OR10R2: variants seen among roughly 807,000 people sequenced by gnomAD.
OR10R2 encodes the protein olfactory receptor 10R2.
A neutral mutation model predicts 2.4 loss-of-function variants in OR10R2; 1 was observed. That is an observed-to-expected ratio of 0.41 (90% CI 0.15 to 1.95). The LOEUF (loss-of-function observed/expected upper bound fraction) is 1.95. Among genes scored for constraint, OR10R2 ranks in the 30% most tolerant of loss-of-function variants. The pLI is 0.30. For missense variants in OR10R2, 419 were observed against 373.0 expected (o/e 1.12, Z -1.01); for synonymous variants, 166 against 144.8 (o/e 1.15, Z -1.05).
At chr1:158,479,896 T>G in intron 1 of OR10R2, 42 bp from the exon 2 acceptor site, 1 of 1,608,282 alleles carries the variant, frequency 6.2e-7, no homozygotes. Flanking sequence ...AATTCTTATA[T>G]TCACATACCT....
chr1:158,473,810 C>T (rs1315939047), intron 1 of OR10R2, among the ~76,000 whole-genome samples: 1 of 139,272 alleles, frequency 7.2e-6, no homozygotes, highest in Non-Finnish European at 1.5e-5. Context: ...CTGCTTCCTT[C>T]CTCCCTCCTT....
At chr1:158,475,577 T>C (rs934721695) in intron 1 of OR10R2, among the ~76,000 whole-genome samples, 2 of 151,836 alleles carry the variant, frequency 1.3e-5, no homozygotes, top group African/African-American at 2.4e-5. Context: ...TCTGTTTTCT[T>C]CTTCAAAGTT....
chr1:158,480,349 T>TG lies in OR10R2; in HGVS notation c.441dup (p.Gln148AlafsTer32), dbSNP rs779985138. ...TCTGCATTACCCCACTCTTATGAGCTGGCAGGTGTGTGGAAAACTGGCAGC... is the reference window on the plus strand; with the variant it reads ...TCTGCATTACCCCACTCTTATGAGCTGGGCAGGTGTGTGGAAAACTGGCAGC... On this transcript the variant is annotated frameshift_variant, in exon 2 of 2. Coordinates refer to ENST00000641067, the Ensembl canonical transcript of OR10R2. LOFTEE classifies it low-confidence loss of function (END_TRUNC). 1.9e-6 allele frequency: 3 copies of TG among 1,614,142 alleles called. No individual in the cohort carries two copies. Among genetic ancestry groups the TG allele is most frequent in the Non-Finnish European group, 2.5e-6 (3 of 1,180,000 alleles).
At chr1:158,478,284 G>A (rs1483565681) in intron 1 of OR10R2, among the ~76,000 whole-genome samples, 3 of 152,068 alleles carry the variant, frequency 2.0e-5, no homozygotes, top group Non-Finnish European at 4.4e-5. Context: ...AGCAATTGTA[G>A]CAAAAACAAA....
chr1:158,480,469 T>G (rs1228609107), exon 2 of OR10R2: 1 of 1,613,628 alleles, frequency 6.2e-7, no homozygotes, highest in Non-Finnish European at 8.5e-7. Flanking sequence ...CAATCATTAC[T>G]TCTGTGACAT....
exon 2 of OR10R2, chr1:158,480,914 A>C (rs1553209610): frequency 9.7e-7 from 1 of 1,033,156 alleles, no homozygotes; most frequent in South Asian, 1.8e-5. Flanking sequence ...ATTTCTTAAT[A>C]AATAATGCCT....
At chr1:158,474,881 A>G (rs1423729607) in intron 1 of OR10R2, among the ~76,000 whole-genome samples, 1 of 152,182 alleles carries the variant, frequency 6.6e-6, no homozygotes, top group Non-Finnish European at 1.5e-5. Flanking sequence ...TGTAATAAAC[A>G]TAAAGTTTCA....
intron 1 of OR10R2, among the ~76,000 whole-genome samples, chr1:158,478,062 G>A (rs11264977): frequency 6.6e-6 from 1 of 151,878 alleles, no homozygotes; most frequent in Admixed American, 6.6e-5. Flanking sequence ...GAACAAGGAC[G>A]CCCTATTCAA....
At chr1:158,480,564 T>C in exon 2 of OR10R2, 1 of 1,613,530 alleles carries the variant, frequency 6.2e-7, no homozygotes, top group South Asian at 1.1e-5. Flanking sequence ...TACTTGTGGT[T>C]CCCTTTCTGT....
chr1:158,473,774 T>TCCTTCCTTCCTCCCTC, intron 1 of OR10R2, among the ~76,000 whole-genome samples: 1 of 34,272 alleles, frequency 2.9e-5, no homozygotes, highest in Non-Finnish European at 6.0e-5. Flanking sequence ...CTTCCTTCCT[T>TCCTTCCTTCCTCCCTC]CCTCCCTCCT....
intron 1 of OR10R2, chr1:158,474,393 A>C (rs151164048): frequency 2.0e-4 from 30 of 152,306 alleles, no homozygotes; most frequent in African/African-American, 6.5e-4. Context: ...ACTTTGAATA[A>C]ATTTGTTTCT....
chr1:158,480,828 C>T (rs759319275), exon 2 of OR10R2: 2 of 1,599,604 alleles, frequency 1.3e-6, no homozygotes, highest in Non-Finnish European at 1.7e-6. Flanking sequence ...ACAAGGATGT[C>T]CAACTTGCTA....
chr1:158,480,207 G>A, exon 2 of OR10R2: 4 of 1,613,998 alleles, frequency 2.5e-6, no homozygotes, highest in South Asian at 2.2e-5. Flanking sequence ...CTGTGGCCAG[G>A]ACAATCTCCT....
exon 2 of OR10R2, chr1:158,480,428 T>G: frequency 6.2e-7 from 1 of 1,614,128 alleles, no homozygotes; most frequent in Non-Finnish European, 8.5e-7. Flanking sequence ...AATTTAGTTT[T>G]CAGCCTCCCT....
At chr1:158,474,958 T>C (rs749113076) in intron 1 of OR10R2, among the ~76,000 whole-genome samples, 3 of 152,142 alleles carry the variant, frequency 2.0e-5, no homozygotes, top group Non-Finnish European at 4.4e-5. Flanking sequence ...TTAATAATAG[T>C]TAAGAAAATA....
At chr1:158,476,564 A>G (rs1195477450) in intron 1 of OR10R2, among the ~76,000 whole-genome samples, 1 of 142,346 alleles carries the variant, frequency 7.0e-6, no homozygotes, top group Non-Finnish European at 1.5e-5. Context: ...AAAAAAAAAA[A>G]GGAAAAAAAT....
intron 1 of OR10R2, among the ~76,000 whole-genome samples, chr1:158,476,702 G>A (rs1656279049): frequency 6.6e-6 from 1 of 152,152 alleles, no homozygotes; most frequent in South Asian, 2.1e-4. Flanking sequence ...GGATAGTCAT[G>A]AATATGAATA....
chr1:158,476,729 G>A (rs557971489), intron 1 of OR10R2, among the ~76,000 whole-genome samples: 1 of 152,168 alleles, frequency 6.6e-6, no homozygotes, highest in South Asian at 2.1e-4. Context: ...AAGGGTGATG[G>A]ATCATTTCAA....
At chr1:158,480,443 G>A in exon 2 of OR10R2, 1 of 1,613,968 alleles carries the variant, frequency 6.2e-7, no homozygotes, top group Non-Finnish European at 8.5e-7. Context: ...CTCCCTTTTT[G>A]TAGCGCCAAC....
Sources: allele counts gnomAD v4.1 joint callset (sites outside exome capture counted in the v4.1 genomes callset), GRCh38; gene constraint gnomAD v4.1.1; transcripts MANE v1.5; gene names NCBI Gene and HGNC (gene_info 2026-07-23, HGNC 2026-07-21).